NUTF2: variants seen among roughly 807,000 people sequenced by gnomAD.
The protein encoded by NUTF2 is nuclear transport factor 2, also known as placental protein 15.
In NUTF2, 3 loss-of-function variants were observed where a neutral mutation model predicts 18.5. The ratio of observed to expected loss-of-function variants is 0.16; its 90% CI spans 0.07 to 0.42. NUTF2 has a LOEUF of 0.42. Ranked by LOEUF, NUTF2 falls within the 10% of genes least tolerant of loss-of-function variation. The pLI is 0.99. For missense variants in NUTF2, 44 were observed against 160.7 expected, an observed-to-expected ratio of 0.27 and a Z score of 3.93; for synonymous variants, 51 against 57.9, an observed-to-expected ratio of 0.88 and a Z score of 0.54.
rs201436686 is a variant in NUTF2 at position 67,870,790 on chromosome 16, C to T, written c.271-10C>T. ...ATCCCCTTACTGAATCCTCTTTTCTCTCCTCATAGGCGGATGAAGACCCCA... is the reference window on the plus strand; with the variant it reads ...ATCCCCTTACTGAATCCTCTTTTCTTTCCTCATAGGCGGATGAAGACCCCA... On this transcript the variant is annotated splice_polypyrimidine_tract_variant and intron_variant, in intron 4 of 4. Coordinates refer to ENST00000219169, the MANE Select transcript of NUTF2 (RefSeq NM_005796.3). 1.9e-6 allele frequency: 3 copies of T among 1,601,844 alleles called. No individual in the cohort carries two copies. Among genetic ancestry groups the T allele is most frequent in the East Asian group, 2.2e-5 (1 of 44,836 alleles).
At chr16:67,863,246 T>C (rs2057946747) in intron 1 of NUTF2, among the ~76,000 whole-genome samples, 1 of 152,226 alleles carries the variant, frequency 6.6e-6, no homozygotes, top group Admixed American at 6.5e-5. Context: ...ACACCTTGTG[T>C]TCCTGTGTGG....
chr16:67,862,207 G>A (rs971741706), intron 1 of NUTF2, among the ~76,000 whole-genome samples: 3 of 152,112 alleles, frequency 2.0e-5, no homozygotes, highest in African/African-American at 7.2e-5. Flanking sequence ...AAAAAGAGAC[G>A]GGCCTTGACC....
chr16:67,850,172 C>T (rs1477138858), intron 1 of NUTF2, among the ~76,000 whole-genome samples: 1 of 151,866 alleles, frequency 6.6e-6, no homozygotes, highest in Non-Finnish European at 1.5e-5. Flanking sequence ...CAGGTCCCTC[C>T]CTCTCATTCC....
intron 1 of NUTF2, among the ~76,000 whole-genome samples, chr16:67,858,750 A>G (rs1449414407): frequency 1.3e-5 from 2 of 152,170 alleles, no homozygotes; most frequent in Non-Finnish European, 2.9e-5. Flanking sequence ...ACTTTGTTCC[A>G]GGTGCCATGG....
At chr16:67,865,717 C>T (rs1598168173) in intron 2 of NUTF2, among the ~76,000 whole-genome samples, 1 of 149,420 alleles carries the variant, frequency 6.7e-6, no homozygotes, top group South Asian at 2.1e-4. Flanking sequence ...TTGCTGGCTG[C>T]TCTTTTTTTT....
intron 1 of NUTF2, among the ~76,000 whole-genome samples, chr16:67,856,754 C>G (rs1274297692): frequency 6.6e-6 from 1 of 152,068 alleles, no homozygotes; most frequent in Non-Finnish European, 1.5e-5. Flanking sequence ...AGGTGATCTA[C>G]TTGCCTTGGC....
intron 1 of NUTF2, among the ~76,000 whole-genome samples, chr16:67,863,159 C>A (rs2057945977): frequency 6.6e-6 from 1 of 152,196 alleles, no homozygotes. Context: ...GTGACCAAGA[C>A]CACAGTGAAG....
chr16:67,849,323 T>C (rs1044125589), intron 1 of NUTF2, among the ~76,000 whole-genome samples: 3 of 152,218 alleles, frequency 2.0e-5, no homozygotes, highest in African/African-American at 7.2e-5. Context: ...TTCATGGCCC[T>C]GGGTGACTTG....
At chr16:67,863,820 G>A (rs991206466) in intron 1 of NUTF2, among the ~76,000 whole-genome samples, 1 of 152,214 alleles carries the variant, frequency 6.6e-6, no homozygotes, top group African/African-American at 2.4e-5. Context: ...GCAGCAAGAT[G>A]TGGGCTTCCC....
chr16:67,849,754 G>A (rs189100518), intron 1 of NUTF2, among the ~76,000 whole-genome samples: 1 of 151,936 alleles, frequency 6.6e-6, no homozygotes, highest in East Asian at 1.9e-4. Context: ...CGCCTCCCGG[G>A]TTCACAGCAT....
intron 1 of NUTF2, among the ~76,000 whole-genome samples, chr16:67,848,888 C>A (rs2057830423): frequency 6.6e-6 from 1 of 151,988 alleles, no homozygotes; most frequent in Admixed American, 6.6e-5. Flanking sequence ...ATATTTTTTT[C>A]TTCCTCCTTG....
intron 1 of NUTF2, among the ~76,000 whole-genome samples, chr16:67,859,052 C>G (rs1038876168): frequency 6.6e-6 from 1 of 151,220 alleles, no homozygotes; most frequent in African/African-American, 2.4e-5. Flanking sequence ...CCAGGCTGGT[C>G]TTGAACTGCT....
At chr16:67,863,396 G>C (rs188060702) in intron 1 of NUTF2, among the ~76,000 whole-genome samples, 1 of 152,236 alleles carries the variant, frequency 6.6e-6, no homozygotes, top group Admixed American at 6.5e-5. Flanking sequence ...TTAGCTTCCT[G>C]CTCCCTCATT....
At position 67,854,310 on chromosome 16, in the gene NUTF2, C is replaced by T. The variant is rs529647669; in HGVS notation, c.-30+7325C>T. Reference sequence around the variant, plus strand: ...GGGTTTGTGGCTTCTCCTCCTTTCACTGAGACCCTCCTATGGTCACTTTAA... The same window carrying T: ...GGGTTTGTGGCTTCTCCTCCTTTCATTGAGACCCTCCTATGGTCACTTTAA... On this transcript the variant is annotated intron_variant, in intron 1 of 4. Coordinates refer to ENST00000219169, the MANE Select transcript of NUTF2 (RefSeq NM_005796.3). Among the ~76,000 whole-genome samples the T allele has an allele frequency of 2.6e-5, 4 of 152,342 alleles. No individual in the cohort carries two copies. The South Asian group carries it at 8.3e-4, about 32-fold the overall frequency.
chr16:67,849,223 T>C (rs1354469067), intron 1 of NUTF2, among the ~76,000 whole-genome samples: 1 of 152,242 alleles, frequency 6.6e-6, no homozygotes, highest in African/African-American at 2.4e-5. Context: ...GAAGCAGTTA[T>C]TTCAAGACCC....
At chr16:67,861,289 G>T (rs2057934091) in intron 1 of NUTF2, among the ~76,000 whole-genome samples, 1 of 152,220 alleles carries the variant, frequency 6.6e-6, no homozygotes. Flanking sequence ...GCACATTTCT[G>T]TGCCTCATAT....
intron 1 of NUTF2, among the ~76,000 whole-genome samples, chr16:67,848,774 G>A (rs1218014033): frequency 6.6e-6 from 1 of 151,362 alleles, no homozygotes; most frequent in Admixed American, 6.6e-5. Flanking sequence ...AAAAAAAGCA[G>A]CAGCAGCTCA....
chr16:67,851,742 G>A (rs968904000), intron 1 of NUTF2, among the ~76,000 whole-genome samples: 3 of 151,762 alleles, frequency 2.0e-5, no homozygotes, highest in South Asian at 2.1e-4. Flanking sequence ...AAGTCTGGGC[G>A]CAGTGGCTCA....
At chr16:67,849,445 G>A (rs1422451744) in intron 1 of NUTF2, among the ~76,000 whole-genome samples, 1 of 147,894 alleles carries the variant, frequency 6.8e-6, no homozygotes, top group African/African-American at 2.5e-5. Context: ...GGGTTCAAAC[G>A]ATTCTCCTGC....
Sources: gnomAD v4.1 joint callset for allele counts (sites outside exome capture counted in the v4.1 genomes callset) on GRCh38, gnomAD v4.1.1 for gene constraint, MANE v1.5 for transcripts, NCBI Gene and HGNC (gene_info 2026-07-23, HGNC 2026-07-21) for gene names.